Variants in C1orf159 observed in about 807,000 individuals in gnomAD.
C1orf159 encodes the protein uncharacterized protein C1orf159.
In C1orf159, 19 loss-of-function variants were observed where a neutral mutation model predicts 25.6. The ratio of observed to expected loss-of-function variants is 0.74; its 90% CI spans 0.52 to 1.09. The LOEUF is 1.09. C1orf159 is among the 50% of genes least tolerant of loss of function. The pLI, the probability that C1orf159 is intolerant of heterozygous loss-of-function variation, is 0.00. For synonymous variants in C1orf159, 139 were observed against 124.7 expected (o/e 1.12, Z -0.77); for missense variants, 274 against 290.6 (o/e 0.94, Z 0.42).
At position 1,090,382 on chromosome 1, in the gene C1orf159, C is replaced by T; in HGVS notation, c.119G>A (p.Ser40Asn). The T allele has an allele frequency of 6.5e-7, 1 of 1,550,162 alleles. No homozygotes were observed. Among genetic ancestry groups the T allele is most frequent in the Non-Finnish European group, 8.7e-7 (1 of 1,146,844 alleles). The change falls in exon 4 of 10, where the codon AGC becomes AAC. Residue 40 changes from serine to asparagine, a missense_variant. Ser to Asn is a conservative substitution (Grantham distance 46, BLOSUM62 1). Transcript: ENST00000421241. ...ACCACACAGACTTGCGCCTGGGCAGCTGGCGTTGACGCCCACCACATCCAC... is the reference window on the plus strand; with the variant it reads ...ACCACACAGACTTGCGCCTGGGCAGTTGGCGTTGACGCCCACCACATCCAC... ...CCVDVVGVNA[S>N]CPGASLCGPG...
intron 1 of C1orf159, among the ~76,000 whole-genome samples, chr1:1,108,427 C>T (rs1176139745): frequency 1.6e-5 from 2 of 122,316 alleles, no homozygotes; most frequent in Non-Finnish European, 3.3e-5. Flanking sequence ...GCAGCACCGT[C>T]CACCACAGCC....
Position 1,082,695 on chromosome 1 carries a change from G to A in C1orf159, c.*198C>T, listed in dbSNP as rs1645762455. 12 of 594,986 alleles carry A rather than the reference G, an allele frequency of 2.0e-5. No individual in the cohort carries two copies. The highest frequency in any genetic ancestry group is 3.0e-5 in the Non-Finnish European group (10 of 331,398). The allele number at this position is 594,986 out of a possible 1,614,324, so 36.9% of individuals were successfully genotyped here. ...CTGCTCCTGGTCCGATAAACGAGAT[G>A]GCTGTGGTGGGGAGGAGCCTCAGGC... On this transcript the variant is annotated 3_prime_UTR_variant, in exon 10 of 10. Transcript: ENST00000421241.
intron 4 of C1orf159, among the ~76,000 whole-genome samples, chr1:1,088,265 G>A (rs1247510850): frequency 3.8e-5 from 2 of 52,022 alleles, no homozygotes; most frequent in Admixed American, 2.6e-4. Context: ...ACGCCTCCCC[G>A]GGACCTCCCC....
Position 1,082,972 on chromosome 1 carries a change from T to C in C1orf159, c.518A>G (p.Tyr173Cys), listed in dbSNP as rs1249303374. The C allele has an allele frequency of 6.2e-7, 1 of 1,600,408 alleles. No individual in the cohort carries two copies. Among genetic ancestry groups the C allele is most frequent in the Admixed American group, 1.7e-5 (1 of 58,818 alleles). Residue 173 changes from tyrosine to cysteine, a missense_variant, in exon 10 of 10, where the codon TAC becomes TGC. Tyr to Cys is a radical substitution (Grantham distance 194). Transcript: ENST00000421241. Reference sequence around the variant, plus strand: ...GTCCAGGGGCCGCTCCCGCCTGACGTAGCGCGGCTTCCGTACTGAAACGGG... The same window carrying C: ...GTCCAGGGGCCGCTCCCGCCTGACGCAGCGCGGCTTCCGTACTGAAACGGG... ...PPQSSVRKPR[Y>C]VRRERPLDRA...
At chr1:1,086,996 A>G in intron 6 of C1orf159, 143 bp downstream of exon 6, 2 of 792,754 alleles carry the variant, frequency 2.5e-6, no homozygotes, top group Non-Finnish European at 4.0e-6. Flanking sequence ...CCCAAGCTGC[A>G]GGGGCTGCCA....
chr1:1,086,938 G>T (rs1453097740), intron 6 of C1orf159, among the ~76,000 whole-genome samples: 1 of 152,120 alleles, frequency 6.6e-6, no homozygotes, highest in Non-Finnish European at 1.5e-5. Context: ...TTAGAGATGT[G>T]GCAGAGCCCC....
At chr1:1,088,915 G>C (rs559591876) in intron 4 of C1orf159, among the ~76,000 whole-genome samples, 1 of 152,226 alleles carries the variant, frequency 6.6e-6, no homozygotes, top group South Asian at 2.1e-4. Flanking sequence ...GTGGAGCTGC[G>C]CTCTCCCAGC....
intron 2 of C1orf159, 167 bp downstream of exon 2, chr1:1,091,823 TG>T (rs1645943312): frequency 1.1e-4 from 2 of 17,398 alleles, no homozygotes; most frequent in South Asian, 2.8e-4. Flanking sequence ...GGAGATGGGG[TG>T]GGGCGGGGCC....
At chr1:1,105,971 G>A (rs565417397) in intron 1 of C1orf159, 18 of 152,306 alleles carry the variant, frequency 1.2e-4, no homozygotes, top group African/African-American at 3.4e-4. Context: ...AGTGAAATGC[G>A]TGCCGACAAG....
intron 1 of C1orf159, among the ~76,000 whole-genome samples, chr1:1,096,388 G>A (rs1014691486): frequency 1.3e-5 from 2 of 151,544 alleles, no homozygotes; most frequent in Admixed American, 6.6e-5. Flanking sequence ...GGCTGGTCTC[G>A]AACTCCTGGC....
intron 1 of C1orf159, among the ~76,000 whole-genome samples, chr1:1,107,762 G>A (rs1178196975): frequency 6.6e-6 from 1 of 152,102 alleles, no homozygotes; most frequent in Non-Finnish European, 1.5e-5. Flanking sequence ...CCACACTATG[G>A]AAGCTTTGTT....
chr1:1,096,679 C>A (rs1646013273), intron 1 of C1orf159, among the ~76,000 whole-genome samples: 1 of 152,172 alleles, frequency 6.6e-6, no homozygotes. Flanking sequence ...AAGAGTTTAT[C>A]CATTGCATTG....
intron 1 of C1orf159, among the ~76,000 whole-genome samples, chr1:1,112,607 T>C (rs547542548): frequency 8.6e-5 from 13 of 150,920 alleles, no homozygotes; most frequent in African/African-American, 3.2e-4. Context: ...ACACGGGGCA[T>C]GCTCCCTCCC....
At chr1:1,100,136 A>G (rs1027503657) in intron 1 of C1orf159, among the ~76,000 whole-genome samples, 3 of 152,210 alleles carry the variant, frequency 2.0e-5, no homozygotes, top group Non-Finnish European at 4.4e-5. Context: ...AGACACACAC[A>G]CCACAGTGCA....
At chr1:1,084,327 C>G in intron 9 of C1orf159, 26 bp downstream of exon 9, 3 of 1,535,250 alleles carry the variant, frequency 2.0e-6, no homozygotes, top group Non-Finnish European at 2.6e-6. Context: ...GGAAACCCCA[C>G]AGGGGGATGC....
At chr1:1,099,077 T>G (rs1473333070) in intron 1 of C1orf159, among the ~76,000 whole-genome samples, 3 of 150,648 alleles carry the variant, frequency 2.0e-5, no homozygotes, top group Non-Finnish European at 4.4e-5. Context: ...ATGTTTTTGG[T>G]CTATTCTAAG....
intron 6 of C1orf159, among the ~76,000 whole-genome samples, 181 bp from the exon 7 acceptor site, chr1:1,086,193 A>G (rs559145409): frequency 2.0e-5 from 3 of 152,352 alleles, no homozygotes; most frequent in East Asian, 1.9e-4. Context: ...AGGCTCAGCC[A>G]TGCCTGGGCA....
chr1:1,092,153 G>A (rs543575112), intron 1 of C1orf159, 50 bp from the exon 2 acceptor site: 2 of 362,170 alleles, frequency 5.5e-6, no homozygotes, highest in Non-Finnish European at 1.1e-5. Context: ...GGGCAACCCA[G>A]GTGGGCCGTG....
In C1orf159 at chr1:1,110,291, C is replaced by T. The variant is rs899037340; in HGVS notation, c.-136+5769G>A. ...AATTTTTAAGGTTTCTCTGGGGTCCCCTTGACCAAGAGGGAGCTCGTTCAG... is the reference window on the plus strand; with the variant it reads ...AATTTTTAAGGTTTCTCTGGGGTCCTCTTGACCAAGAGGGAGCTCGTTCAG... On this transcript the variant is annotated intron_variant, in intron 1 of 9. Coordinates refer to ENST00000421241, the MANE Select transcript of C1orf159 (RefSeq NM_017891.5). The surrounding 1 kb of genome is among the most constrained non-coding windows in gnomAD (Gnocchi z 4.8). Among the ~76,000 whole-genome samples, 3 of 152,138 alleles carry T rather than the reference C, an allele frequency of 2.0e-5. No homozygotes were observed. The highest frequency in any genetic ancestry group is 7.2e-5 in the African/African-American group (3 of 41,434).
Sources: allele counts gnomAD v4.1 joint callset (sites outside exome capture counted in the v4.1 genomes callset), GRCh38; gene constraint gnomAD v4.1.1; non-coding constraint Gnocchi (gnomAD v3.1); transcripts MANE v1.5; gene names NCBI Gene and HGNC (gene_info 2026-07-23, HGNC 2026-07-21).